Variants in HOXD3 observed in about 807,000 individuals in gnomAD.
HOXD3 encodes the protein homeobox protein Hox-D3.
Under a neutral mutation model 32.8 loss-of-function variants are expected in HOXD3, and 13 were observed. That is an observed-to-expected ratio of 0.40 (90% CI 0.26 to 0.63). The LOEUF (loss-of-function observed/expected upper bound fraction) is 0.63. Among genes scored for constraint, HOXD3 ranks in the 20% least tolerant of loss-of-function variants. HOXD3 has a pLI of 0.44. For missense variants in HOXD3, 504 were observed against 577.1 expected, an observed-to-expected ratio of 0.87 and a Z score of 1.30; for synonymous variants, 241 against 246.8, an observed-to-expected ratio of 0.98 and a Z score of 0.22.
chr2:176,163,533 T>C (rs1690873590), intron 1 of HOXD3, among the ~76,000 whole-genome samples: 1 of 152,154 alleles, frequency 6.6e-6, no homozygotes, highest in African/African-American at 2.4e-5. Flanking sequence ...GCATCTGATA[T>C]ATTTAATGTA....
intron 2 of HOXD3, among the ~76,000 whole-genome samples, chr2:176,167,506 A>T (rs553258743): frequency 5.1e-4 from 78 of 152,148 alleles, no homozygotes; most frequent in Non-Finnish European, 9.8e-4. Flanking sequence ...TAGCCTCAAA[A>T]TGAGTCTGGA....
chr2:176,158,547 G>A (rs1253818524), intron 1 of HOXD3, among the ~76,000 whole-genome samples: 1 of 152,102 alleles, frequency 6.6e-6, no homozygotes, highest in Admixed American at 6.5e-5. Context: ...GCAGGGGCTG[G>A]CTGCGCGTGG....
chr2:176,162,245 G>A (rs1249023363), intron 1 of HOXD3, among the ~76,000 whole-genome samples: 1 of 152,252 alleles, frequency 6.6e-6, no homozygotes, highest in African/African-American at 2.4e-5. Flanking sequence ...TGCCAGCTTA[G>A]TCAGCTGAAT....
rs1006155433 is a variant in HOXD3, at chr2:176,157,431, G to T, written c.-202G>T. Among the ~76,000 whole-genome samples, 1 of 152,086 alleles carries T rather than the reference G, an allele frequency of 6.6e-6. No homozygotes were observed. The highest frequency in any genetic ancestry group is 2.1e-4 in the South Asian group (1 of 4,804). ...CGGCCCTCCACCCCCGGCCCCCGGC[G>T]GGCGCGGGAGCGCGGCCGCAGGTAA... is the stretch of plus-strand genomic sequence containing the variant. On this transcript the variant is annotated 5_prime_UTR_variant, in exon 1 of 4. Coordinates refer to ENST00000683222, the MANE Select transcript of HOXD3 (RefSeq NM_006898.5).
At chr2:176,155,743 T>G (rs986971397), upstream of HOXD3, among the ~76,000 whole-genome samples, 6 of 152,220 alleles carry the variant, frequency 3.9e-5, no homozygotes, top group African/African-American at 1.4e-4. Flanking sequence ...TTCCAGTTTG[T>G]TCCTTTAAAT....
chr2:176,161,605 T>C (rs1317390214), intron 1 of HOXD3, among the ~76,000 whole-genome samples: 1 of 151,102 alleles, frequency 6.6e-6, no homozygotes, highest in East Asian at 2.0e-4. Context: ...ATTGTTCCGG[T>C]AGCGAGCTCC....
upstream of HOXD3, chr2:176,152,745 CTG>C: frequency 6.2e-7 from 1 of 1,614,212 alleles, no homozygotes; most frequent in Non-Finnish European, 8.5e-7. The surrounding 1 kb of genome is among the most constrained non-coding windows in gnomAD (Gnocchi z 5.2). Flanking sequence ...CGCTCACACC[CTG>C]TGTCTGTCGG....
chr2:176,167,738 G>T (rs962242089), intron 2 of HOXD3, among the ~76,000 whole-genome samples: 4 of 131,942 alleles, frequency 3.0e-5, no homozygotes, highest in Non-Finnish European at 6.3e-5. Flanking sequence ...TTCTGAGCAT[G>T]TTATAGGACT....
rs1334039535 is a variant in HOXD3 at position 176,164,053 on chromosome 2, A to T, written c.-180-20A>T. On this transcript the variant is annotated intron_variant, in intron 1 of 3. Coordinates refer to ENST00000683222, the MANE Select transcript of HOXD3 (RefSeq NM_006898.5). ...TAAGCAAGAACCGGCTGCTACTGAG[A>T]GTTTTCCATTTTGTTCCAGATTCGC... is the stretch of plus-strand genomic sequence containing the variant. 2 of 152,172 alleles carry T rather than the reference A, an allele frequency of 1.3e-5. No individual in the cohort carries two copies. The highest frequency in any genetic ancestry group is 2.9e-5 in the Non-Finnish European group (2 of 68,044). 9.4% of individuals were successfully genotyped at this position (152,172 alleles called of 1,614,324 possible).
chr2:176,153,176 G>A (rs1690581184), upstream of HOXD3: 1 of 558,820 alleles, frequency 1.8e-6, no homozygotes, highest in Non-Finnish European at 3.2e-6. Context: ...TATATGGCAG[G>A]AGCTACTGAG....
intron 1 of HOXD3, among the ~76,000 whole-genome samples, chr2:176,162,446 C>G (rs1239960172): frequency 6.6e-6 from 1 of 152,218 alleles, no homozygotes; most frequent in Non-Finnish European, 1.5e-5. Flanking sequence ...AGCTCACGGA[C>G]GCAGCTCCTT....
At chr2:176,158,817 A>AC (rs796798335) in intron 1 of HOXD3, among the ~76,000 whole-genome samples, 78 of 74,792 alleles carry the variant, frequency 1.0e-3, no homozygotes, top group South Asian at 2.7e-3. Context: ...CTCCCCTCCC[A>AC]CCCCCCCCAC....
In HOXD3 at chr2:176,172,349, G is replaced by T; in HGVS notation, c.*75G>T. ...TGGTGGGGTAGAGGGTGGGGCCCGC[G>T]GGGCAGTTCGGGAACCCCCTTCCCC... On this transcript the variant is annotated 3_prime_UTR_variant, in exon 4 of 4. Coordinates refer to ENST00000683222, the MANE Select transcript of HOXD3 (RefSeq NM_006898.5). The T allele has an allele frequency of 7.3e-7, 1 of 1,373,032 alleles. No individual in the cohort carries two copies. Among genetic ancestry groups the T allele is most frequent in the East Asian group, 2.4e-5 (1 of 41,314 alleles). The allele number at this position is 1,373,032 out of a possible 1,614,324, so 85.1% of individuals were successfully genotyped here.
upstream of HOXD3, chr2:176,153,021 C>A (rs1690576284): frequency 1.4e-6 from 2 of 1,383,846 alleles, no homozygotes; most frequent in African/African-American, 2.8e-5. Flanking sequence ...CCTGCTGTCA[C>A]CTCGCTGGGC....
intron 2 of HOXD3, 101 bp from the exon 3 acceptor site, chr2:176,168,930 C>T (rs539947039): frequency 4.8e-5 from 39 of 815,494 alleles, no homozygotes; most frequent in East Asian, 3.9e-4. Context: ...ATCTCCCCGC[C>T]GTGAAGTGGG....
chr2:176,157,044 A>G (rs1421420988), upstream of HOXD3, among the ~76,000 whole-genome samples: 1 of 152,140 alleles, frequency 6.6e-6, no homozygotes, highest in Non-Finnish European at 1.5e-5. Context: ...AAGCGAGTCC[A>G]TAGCAGAGCC....
Position 176,157,372 on chromosome 2 carries a change from A to C in HOXD3, c.-261A>C, listed in dbSNP as rs950171277. Among the ~76,000 whole-genome samples the C allele has an allele frequency of 3.3e-5, 5 of 152,048 alleles. No individual in the cohort carries two copies. The highest frequency in any genetic ancestry group is 1.2e-4 in the African/African-American group (5 of 41,414). On this transcript the variant is annotated 5_prime_UTR_variant, in exon 1 of 4. Coordinates refer to ENST00000683222, the MANE Select transcript of HOXD3 (RefSeq NM_006898.5). ...CTTGGAAAGTGCAGGGATCCCAAGA[A>C]TATCACCCGTCCAGGGGGGCCGCGC...
upstream of HOXD3, chr2:176,153,033 C>T (rs1285448229): frequency 8.0e-7 from 1 of 1,252,342 alleles, no homozygotes; most frequent in Non-Finnish European, 1.1e-6. Context: ...TCGCTGGGCT[C>T]TAAGGTACTG....
intron 3 of HOXD3, 64 bp from the exon 4 acceptor site, chr2:176,171,453 C>T (rs1574988708): frequency 7.0e-7 from 1 of 1,418,872 alleles, no homozygotes; most frequent in East Asian, 2.4e-5. Context: ...GGAAGCACCC[C>T]TCTCCAGTCC....
Sources: gnomAD v4.1 joint callset for allele counts (sites outside exome capture counted in the v4.1 genomes callset) on GRCh38, gnomAD v4.1.1 for gene constraint, Gnocchi (gnomAD v3.1) non-coding constraint, MANE v1.5 for transcripts, NCBI Gene and HGNC (gene_info 2026-07-23, HGNC 2026-07-21) for gene names.